CHL1: variants seen among roughly 807,000 people sequenced by gnomAD.
CHL1 encodes the protein neural cell adhesion molecule L1-like protein.
CHL1 carries 96 observed loss-of-function variants against 141.9 expected under a neutral mutation model. The ratio of observed to expected loss-of-function variants is 0.68; its 90% confidence interval spans 0.57 to 0.80. The LOEUF is 0.80. Among genes scored for constraint, CHL1 ranks in the 30% least tolerant of loss-of-function variants. CHL1 has a pLI of 0.00. For synonymous variants in CHL1, 613 were observed against 502.2 expected (o/e 1.22, Z -2.95); for missense variants, 1,820 against 1,457.2 (o/e 1.25, Z -4.05).
intron 6 of CHL1, 22 bp downstream of exon 6, chr3:340,938 C>A: frequency 6.3e-7 from 1 of 1,592,326 alleles, no homozygotes; most frequent in Non-Finnish European, 8.5e-7. Flanking sequence ...TCCGTTCCAT[C>A]AAAAAAGGGG....
intron 2 of CHL1, among the ~76,000 whole-genome samples, chr3:298,635 C>G (rs890315428): frequency 3.3e-5 from 5 of 152,106 alleles, no homozygotes; most frequent in African/African-American, 1.2e-4. Context: ...ACTTGCTTGC[C>G]AGGAGGGTCT....
At chr3:207,191 A>G (rs1699518480) in intron 1 of CHL1, among the ~76,000 whole-genome samples, 2 of 152,226 alleles carry the variant, frequency 1.3e-5, no homozygotes, top group Admixed American at 1.3e-4. Flanking sequence ...TATTTTTAAG[A>G]TATGCATAAT....
chr3:404,582 T>C (rs1174533890), intron 27 of CHL1, among the ~76,000 whole-genome samples: 1 of 152,196 alleles, frequency 6.6e-6, no homozygotes, highest in Non-Finnish European at 1.5e-5. Context: ...TTTATGTTCT[T>C]AAAATACCAG....
At chr3:394,005 T>G (rs1575280777) in intron 23 of CHL1, among the ~76,000 whole-genome samples, 1 of 152,208 alleles carries the variant, frequency 6.6e-6, no homozygotes, top group South Asian at 2.1e-4. Flanking sequence ...GTGTATTTCA[T>G]CTCTTGGACT....
chr3:294,949 A>G (rs931344166), intron 2 of CHL1, among the ~76,000 whole-genome samples: 4 of 152,242 alleles, frequency 2.6e-5, no homozygotes, highest in African/African-American at 7.2e-5. Context: ...GTTCTAAGAT[A>G]GCTTATATTA....
intron 15 of CHL1, among the ~76,000 whole-genome samples, chr3:369,750 T>G (rs1465851287): frequency 6.6e-6 from 1 of 152,234 alleles, no homozygotes. Flanking sequence ...TAAATAGCTC[T>G]TATTATTTTG....
At chr3:211,235 C>A (rs1427246192) in intron 1 of CHL1, among the ~76,000 whole-genome samples, 1 of 152,178 alleles carries the variant, frequency 6.6e-6, no homozygotes. Flanking sequence ...GAAAAGGAAG[C>A]AGGCTTTCTG....
chr3:305,823 T>C (rs1427887336), intron 2 of CHL1, among the ~76,000 whole-genome samples: 1 of 151,956 alleles, frequency 6.6e-6, no homozygotes, highest in South Asian at 2.1e-4. Context: ...TCCTTTGCCA[T>C]TATTTTCTGT....
intron 2 of CHL1, among the ~76,000 whole-genome samples, chr3:280,359 C>G (rs1696531842): frequency 6.6e-6 from 1 of 151,938 alleles, no homozygotes; most frequent in African/African-American, 2.4e-5. Flanking sequence ...GAAAATTGAA[C>G]ATCAGTCTTC....
At chr3:342,438 G>A (rs1235551017) in intron 7 of CHL1, among the ~76,000 whole-genome samples, 1 of 152,100 alleles carries the variant, frequency 6.6e-6, no homozygotes, top group Non-Finnish European at 1.5e-5. Flanking sequence ...TGAAAATGGG[G>A]GAGAAAACAA....
intron 16 of CHL1, among the ~76,000 whole-genome samples, chr3:381,411 A>G (rs186372327): frequency 3.4e-4 from 52 of 152,294 alleles, no homozygotes; most frequent in African/African-American, 1.2e-3. Context: ...TCTGCAGGGC[A>G]CCAAACAAGA....
At chr3:301,506 T>G (rs1698730178) in intron 2 of CHL1, among the ~76,000 whole-genome samples, 1 of 152,188 alleles carries the variant, frequency 6.6e-6, no homozygotes, top group South Asian at 2.1e-4. Flanking sequence ...TTATCCCCAC[T>G]GAATAATTCA....
chr3:297,887 G>A (rs1291393345), intron 2 of CHL1, among the ~76,000 whole-genome samples: 2 of 152,178 alleles, frequency 1.3e-5, no homozygotes, highest in Non-Finnish European at 2.9e-5. Flanking sequence ...TGTTATCTGG[G>A]CCATCTCAGT....
At position 399,024 on chromosome 3, in the gene CHL1, T is replaced by A; in HGVS notation, c.3261T>A (p.Ala1087=). The change falls in exon 26 of 28, where the codon GCT becomes GCA. Residue 1087 remains alanine (A), a synonymous_variant. Coordinates refer to ENST00000256509, the MANE Select transcript of CHL1 (RefSeq NM_006614.4). ...DVIETRGREY[A]GLYDDISTQG... is the part of the protein sequence containing the mutation. ...CTTCTCTTTCTACCACAGAATATGC[T>A]GGTTTATATGATGACATCTCCACTC... 1 of 1,613,508 alleles carries A rather than the reference T, an allele frequency of 6.2e-7. No homozygotes were observed. Among genetic ancestry groups the A allele is most frequent in the African/African-American group, 1.3e-5 (1 of 75,034 alleles).
rs1459767123 is a variant in CHL1, at chr3:361,753, G to C, written c.1361G>C (p.Gly454Ala). ...GGAGAAAATTACGCTACAGTGGTTG[G>C]GTACAGTGCTTTCTTACATTGCGAG... ...KDGENYATVV[G>A]YSAFLHCEFF... is the part of the protein sequence containing the mutation. Residue 454 changes from glycine (G) to alanine (A), a missense_variant, in exon 13 of 28, where the codon GGG becomes GCG. Transcript: ENST00000256509. The C allele has an allele frequency of 6.2e-7, 1 of 1,613,622 alleles. No homozygotes were observed. Among genetic ancestry groups the C allele is most frequent in the East Asian group, 2.2e-5 (1 of 44,876 alleles).
intron 23 of CHL1, among the ~76,000 whole-genome samples, chr3:393,955 T>C (rs890183235): frequency 3.3e-5 from 5 of 152,216 alleles, no homozygotes; most frequent in African/African-American, 1.2e-4. Flanking sequence ...GAGGATTTAT[T>C]CTACATTCCT....
intron 1 of CHL1, among the ~76,000 whole-genome samples, chr3:206,051 C>G (rs923321135): frequency 6.6e-6 from 1 of 152,180 alleles, no homozygotes; most frequent in Non-Finnish European, 1.5e-5. Context: ...TTCCTGTTGT[C>G]CATCCAAACT....
chr3:258,639 C>T (rs558136523), intron 2 of CHL1, among the ~76,000 whole-genome samples: 93 of 152,316 alleles, frequency 6.1e-4, no homozygotes, highest in African/African-American at 2.2e-3. Context: ...GAGATAATGT[C>T]AGTCCCTTTT....
In CHL1 at chr3:394,887, C is replaced by T; in HGVS notation, c.3094+15C>T. ...AGGAGAAGGGAGTAAGTACATGAGG[C>T]TTCTCTTTTTAATAGAGGCTTTAAA... On this transcript the variant is annotated intron_variant, in intron 24 of 27. Transcript: ENST00000256509. 3 of 1,576,688 alleles carry T rather than the reference C, an allele frequency of 1.9e-6. No homozygotes were observed. The highest frequency in any genetic ancestry group is 2.3e-5 in the East Asian group (1 of 44,166).
Sources: gnomAD v4.1 joint callset for allele counts (sites outside exome capture counted in the v4.1 genomes callset) on GRCh38, gnomAD v4.1.1 for gene constraint, MANE v1.5 for transcripts, NCBI Gene and HGNC (gene_info 2026-07-23, HGNC 2026-07-21) for gene names.